KIAA1217: variants seen among roughly 807,000 people sequenced by gnomAD.
KIAA1217 encodes sickle tail protein homolog.
Under a neutral mutation model 163.9 loss-of-function variants are expected in KIAA1217, and 88 were observed. The ratio of observed to expected loss-of-function variants is 0.54; its 90% confidence interval spans 0.45 to 0.64. The LOEUF is 0.64. Ranked by LOEUF, KIAA1217 falls within the 30% of genes least tolerant of loss-of-function variation. The probability of loss-of-function intolerance (pLI) is 0.00; values close to 1 mark genes in which losing one functional copy is unlikely to be tolerated. For missense variants in KIAA1217, 2,372 were observed against 2,475.0 expected (o/e 0.96, Z 0.88); for synonymous variants, 903 against 923.1 (o/e 0.98, Z 0.39).
At chr10:24,206,871 G>A (rs1364698552), upstream of KIAA1217, among the ~76,000 whole-genome samples, 1 of 152,158 alleles carries the variant, frequency 6.6e-6, no homozygotes, top group East Asian at 1.9e-4. Context: ...TGACCAAGGG[G>A]GTTCCTTGGG....
intron 2 of KIAA1217, among the ~76,000 whole-genome samples, chr10:24,348,965 A>T (rs1290633471): frequency 6.6e-6 from 1 of 152,090 alleles, no homozygotes; most frequent in Non-Finnish European, 1.5e-5. Context: ...TGGGCAATAT[A>T]GTGAGAATCC....
chr10:24,414,562 G>T (rs1289571875), intron 3 of KIAA1217, among the ~76,000 whole-genome samples: 1 of 152,154 alleles, frequency 6.6e-6, no homozygotes, highest in East Asian at 1.9e-4. Context: ...TGATCATGAG[G>T]CATTTAGGGG....
At chr10:24,503,394 C>T (rs569248161) in intron 9 of KIAA1217, among the ~76,000 whole-genome samples, 3 of 152,330 alleles carry the variant, frequency 2.0e-5, no homozygotes, top group African/African-American at 7.2e-5. Flanking sequence ...TTAGCTTCCT[C>T]TCGCTTTGCA....
intron 1 of KIAA1217, among the ~76,000 whole-genome samples, chr10:23,865,165 C>T (rs1163370434): frequency 6.6e-6 from 1 of 152,130 alleles, no homozygotes; most frequent in East Asian, 1.9e-4. Context: ...GACATCCCTT[C>T]ATATCAATAA....
intron 2 of KIAA1217, among the ~76,000 whole-genome samples, chr10:24,030,942 G>A (rs980099409): frequency 6.6e-6 from 1 of 152,180 alleles, no homozygotes; most frequent in East Asian, 1.9e-4. Flanking sequence ...AGACATTAAG[G>A]TTGTTTCTAC....
At chr10:24,055,420 C>T (rs1454017493) in intron 2 of KIAA1217, among the ~76,000 whole-genome samples, 1 of 152,130 alleles carries the variant, frequency 6.6e-6, no homozygotes, top group Non-Finnish European at 1.5e-5. Context: ...TAATTTATAG[C>T]TTCAAGTATC....
intron 7 of KIAA1217, 83 bp downstream of exon 7, chr10:24,494,687 G>C (rs894190993): frequency 6.1e-6 from 6 of 988,650 alleles, no homozygotes; most frequent in Non-Finnish European, 9.2e-6. Context: ...ATTCAAATCT[G>C]TTTTCTTGTA....
At chr10:23,709,877 G>A (rs554505484) in intron 1 of KIAA1217, among the ~76,000 whole-genome samples, 16 of 152,286 alleles carry the variant, frequency 1.1e-4, no homozygotes, top group African/African-American at 3.6e-4. Context: ...GTTGTCACTA[G>A]CTGGGAGCTC....
intron 3 of KIAA1217, among the ~76,000 whole-genome samples, chr10:24,391,340 T>C (rs1487961504): frequency 5.8e-5 from 8 of 136,890 alleles, no homozygotes; most frequent in African/African-American, 2.2e-4. Flanking sequence ...TTTCTTTTTT[T>C]TTTTTTTTTT....
intron 2 of KIAA1217, among the ~76,000 whole-genome samples, chr10:24,011,164 A>G (rs1847221507): frequency 1.3e-5 from 2 of 152,128 alleles, no homozygotes; most frequent in South Asian, 4.1e-4. Flanking sequence ...TGGAACCTCC[A>G]GAACATTGGA....
At chr10:24,181,913 G>A (rs2066187718) in intron 2 of KIAA1217, among the ~76,000 whole-genome samples, 1 of 152,184 alleles carries the variant, frequency 6.6e-6, no homozygotes, top group African/African-American at 2.4e-5. Flanking sequence ...AGTACCTACA[G>A]ACCATTCAGG....
rs563171193 is a variant in KIAA1217 at position 23,937,115 on chromosome 10, T to A, written c.-320-70110T>A. Among the ~76,000 whole-genome samples the A allele has an allele frequency of 1.1e-3, 171 of 152,272 alleles. 1 individual carries two copies. The highest frequency in any genetic ancestry group is 3.9e-3 in the African/African-American group (163 of 41,568). On this transcript the variant is annotated intron_variant, in intron 1 of 18. Transcript: ENST00000376462. ...GTCTCGAACTCCTGACCTCAAGTGA[T>A]CTGCACGCCTTGGCCTCCCAAAGTG... is the stretch of plus-strand genomic sequence containing the variant.
At chr10:23,903,369 C>T (rs951652324) in intron 1 of KIAA1217, among the ~76,000 whole-genome samples, 2 of 151,984 alleles carry the variant, frequency 1.3e-5, no homozygotes, top group African/African-American at 4.8e-5. Context: ...ACCTCTATAA[C>T]AAAGACAAAT....
Position 24,330,300 on chromosome 10 carries a change from C to CAA in KIAA1217, c.355-50553_355-50552dup, listed in dbSNP as rs397846537. ...AGGTAACTAGAGTGAAACTCCATCTCAAAAAAAAAAAAAAAAAGAATAGGT... is the reference window on the plus strand; with the variant it reads ...AGGTAACTAGAGTGAAACTCCATCTCAAAAAAAAAAAAAAAAAAAGAATAGGT... On this transcript the variant is annotated intron_variant, in intron 2 of 20. Transcript: ENST00000376454. Among the ~76,000 whole-genome samples the CAA allele has an allele frequency of 2.7e-3, 257 of 94,152 alleles. 3 individuals are homozygous for CAA. In the East Asian group the frequency reaches 0.045, roughly 16 times the overall value. The allele number at this position is 94,152 out of a possible 152,430, so 61.8% of individuals were successfully genotyped here.
At chr10:24,269,309 G>A (rs1220497826) in intron 2 of KIAA1217, among the ~76,000 whole-genome samples, 1 of 151,618 alleles carries the variant, frequency 6.6e-6, no homozygotes, top group Non-Finnish European at 1.5e-5. Flanking sequence ...GATCACTGGA[G>A]GCCAGGAGTT....
At chr10:24,110,308 C>T (rs2062797461) in intron 2 of KIAA1217, among the ~76,000 whole-genome samples, 1 of 152,114 alleles carries the variant, frequency 6.6e-6, no homozygotes, top group East Asian at 1.9e-4. Context: ...TAAAATTAGT[C>T]TATTCTGTCA....
At chr10:24,454,657 G>A (rs1428807417) in intron 5 of KIAA1217, among the ~76,000 whole-genome samples, 1 of 152,138 alleles carries the variant, frequency 6.6e-6, no homozygotes, top group Non-Finnish European at 1.5e-5. Context: ...CGTCTAGAAT[G>A]AGCATCTAGT....
intron 2 of KIAA1217, among the ~76,000 whole-genome samples, chr10:24,252,226 A>G (rs577520935): frequency 6.6e-6 from 1 of 152,278 alleles, no homozygotes; most frequent in East Asian, 1.9e-4. Context: ...AAGGCCTCAG[A>G]TTATAATTTT....
intron 2 of KIAA1217, among the ~76,000 whole-genome samples, chr10:24,161,117 T>C (rs1310870941): frequency 2.0e-5 from 3 of 152,198 alleles, no homozygotes; most frequent in African/African-American, 7.2e-5. Context: ...AAGAAACAGC[T>C]ATACTCAGGA....
Sources: gnomAD v4.1 joint callset for allele counts (sites outside exome capture counted in the v4.1 genomes callset) on GRCh38, gnomAD v4.1.1 for gene constraint, MANE v1.5 for transcripts, NCBI Gene and HGNC (gene_info 2026-07-23, HGNC 2026-07-21) for gene names.